CENPF: variants seen among roughly 807,000 people sequenced by gnomAD.
CENPF encodes the protein centromere protein F, also known as AH antigen.
CENPF carries 214 observed loss-of-function variants against 307.3 expected under a neutral mutation model. That is an observed-to-expected ratio of 0.70 (90% CI 0.62 to 0.78). The LOEUF (loss-of-function observed/expected upper bound fraction) is 0.78, where lower values mean the gene tolerates loss of function less well. Ranked by LOEUF, CENPF falls within the 30% of genes least tolerant of loss-of-function variation. The probability of loss-of-function intolerance (pLI) is 0.00; values close to 1 mark genes in which losing one functional copy is unlikely to be tolerated. For missense variants in CENPF, 3,401 were observed against 3,483.9 expected, an observed-to-expected ratio of 0.98 and a Z score of 0.60; for synonymous variants, 1,259 against 1,270.6, an observed-to-expected ratio of 0.99 and a Z score of 0.19.
At chr1:214,660,221 A>G (rs1031741135) in intron 19 of CENPF, among the ~76,000 whole-genome samples, 5 of 152,204 alleles carry the variant, frequency 3.3e-5, no homozygotes, top group African/African-American at 9.6e-5. Context: ...TGTTCATCAT[A>G]TACATTATAT....
At chr1:214,635,304 G>C (rs1190854325) in intron 10 of CENPF, among the ~76,000 whole-genome samples, 1 of 152,222 alleles carries the variant, frequency 6.6e-6, no homozygotes, top group Non-Finnish European at 1.5e-5. Context: ...ATGCCACACA[G>C]TAGCTGAAAT....
intron 10 of CENPF, among the ~76,000 whole-genome samples, chr1:214,635,458 T>C (rs1657932860): frequency 6.6e-6 from 1 of 152,224 alleles, no homozygotes; most frequent in African/African-American, 2.4e-5. Flanking sequence ...GTACCCAATT[T>C]TGCAAATCAT....
At chr1:214,658,336 T>C (rs2923166) in intron 18 of CENPF, among the ~76,000 whole-genome samples, 80,232 of 151,964 alleles carry the variant, frequency 0.53, 21,850 homozygotes, top group East Asian at 0.88. Flanking sequence ...AGAGACAACG[T>C]GAGTGAGTGT....
chr1:214,650,336 G>A (rs1658428260), intron 14 of CENPF, among the ~76,000 whole-genome samples: 1 of 151,028 alleles, frequency 6.6e-6, no homozygotes, highest in Non-Finnish European at 1.5e-5. Context: ...ACAAAGATTG[G>A]AGGGGTAGGA....
chr1:214,619,319 G>A (rs1657444041), intron 5 of CENPF, 99 bp downstream of exon 5: 2 of 632,562 alleles, frequency 3.2e-6, no homozygotes, highest in Admixed American at 3.4e-5. Context: ...ACATAGAGCT[G>A]GCCTTTTTGT....
At chr1:214,604,385 T>A (rs1385708940) in intron 1 of CENPF, among the ~76,000 whole-genome samples, 1 of 152,216 alleles carries the variant, frequency 6.6e-6, no homozygotes, top group Non-Finnish European at 1.5e-5. Context: ...AGTAAACTTC[T>A]GGGTTTATTT....
chr1:214,641,028 A>G lies in CENPF; in HGVS notation c.2690A>G (p.Asn897Ser), dbSNP rs969962598. ...KLQEDTSAHQ[N>S]VVAETLSALE... ...CAGGAAGACACTTCTGCTCACCAGA[A>G]TGTTGTTGCTGAAACCTTAAGTGCC... The change falls in exon 12 of 20, where the codon AAT (asparagine) becomes AGT (serine). Residue 897 changes from asparagine to serine, a missense_variant. Asn to Ser is a conservative substitution (Grantham distance 46, BLOSUM62 1). Coordinates refer to ENST00000366955, the MANE Select transcript of CENPF (RefSeq NM_016343.4). The G allele has an allele frequency of 6.4e-7, 1 of 1,567,700 alleles. No individual in the cohort carries two copies. Among genetic ancestry groups the G allele is most frequent in the Non-Finnish European group, 8.6e-7 (1 of 1,164,790 alleles).
rs772543101 is a variant in CENPF at position 214,645,578 on chromosome 1, A to G, written c.6008A>G (p.Gln2003Arg). The change falls in exon 13 of 20, where the codon CAG becomes CGG. Residue 2003 changes from glutamine to arginine, a missense_variant. Gln to Arg is a conservative substitution (Grantham distance 43). Coordinates refer to ENST00000366955, the MANE Select transcript of CENPF (RefSeq NM_016343.4). ...SHQSECLHCI[Q>R]VAEAEVKEKT... ...CAAAGTGAGTGTCTCCATTGCATTCAGGTGGCAGAGGCAGAGGTGAAGGAA... is the reference window on the plus strand; with the variant it reads ...CAAAGTGAGTGTCTCCATTGCATTCGGGTGGCAGAGGCAGAGGTGAAGGAA... 4 of 1,614,148 alleles carry G rather than the reference A, an allele frequency of 2.5e-6. No individual in the cohort carries two copies. The Admixed American group carries it at 6.7e-5, about 27-fold the overall frequency.
chr1:214,620,980 T>C, intron 6 of CENPF, 34 bp downstream of exon 6: 1 of 1,553,338 alleles, frequency 6.4e-7, no homozygotes, highest in South Asian at 1.2e-5. Context: ...TAAATTCACT[T>C]TGCTTGAGGT....
rs572514222 is a variant in CENPF at position 214,650,127 on chromosome 1, C to A, written c.7983+1300C>A. On this transcript the variant is annotated intron_variant, in intron 14 of 19. Coordinates refer to ENST00000366955, the MANE Select transcript of CENPF (RefSeq NM_016343.4). ...AACAACCTAATTTAGATAGGGTGGT[C>A]AGCAGATTTAGATAGGGTGGTCAGC... Among the ~76,000 whole-genome samples, 9 of 152,182 alleles carry A rather than the reference C, an allele frequency of 5.9e-5. 1 individual carries two copies. The Middle Eastern group carries it at 0.01, about 173-fold the overall frequency.
chr1:214,633,849 A>G (rs1293195543), intron 10 of CENPF, among the ~76,000 whole-genome samples: 1 of 152,208 alleles, frequency 6.6e-6, no homozygotes, highest in Non-Finnish European at 1.5e-5. Flanking sequence ...GGACCAACCA[A>G]CAGATGCTTC....
At chr1:214,637,162 C>A (rs1277480234) in intron 10 of CENPF, among the ~76,000 whole-genome samples, 1 of 152,208 alleles carries the variant, frequency 6.6e-6, no homozygotes, top group Admixed American at 6.5e-5. Context: ...AGAATTAATT[C>A]TTCCTCTGTG....
intron 7 of CENPF, among the ~76,000 whole-genome samples, chr1:214,627,746 T>C: frequency 6.6e-6 from 1 of 152,208 alleles, no homozygotes; most frequent in East Asian, 1.9e-4. Context: ...TAGAAATCCA[T>C]TTAACTGAAA....
intron 1 of CENPF, chr1:214,608,664 G>C: frequency 6.2e-7 from 1 of 1,600,570 alleles, no homozygotes; most frequent in Non-Finnish European, 8.5e-7. Context: ...GTGCGCCCGA[G>C]GAGGCCCGCA....
chr1:214,614,772 A>G, intron 2 of CENPF, 60 bp from the exon 3 acceptor site: 4 of 1,214,390 alleles, frequency 3.3e-6, no homozygotes, highest in Non-Finnish European at 4.6e-6. Context: ...AGGTTTACCA[A>G]TAATACTTGG....
At chr1:214,607,003 C>G (rs895882615) in intron 1 of CENPF, among the ~76,000 whole-genome samples, 1 of 152,232 alleles carries the variant, frequency 6.6e-6, no homozygotes, top group African/African-American at 2.4e-5. Context: ...AGGGCTGTCC[C>G]CCTCCCTGGC....
At chr1:214,658,162 A>G (rs1341195595) in intron 18 of CENPF, among the ~76,000 whole-genome samples, 1 of 146,222 alleles carries the variant, frequency 6.8e-6, no homozygotes, top group African/African-American at 2.5e-5. Flanking sequence ...TCTCACTGGT[A>G]ATTTTTATAT....
At chr1:214,655,754 C>G (rs1658614886) in intron 17 of CENPF, among the ~76,000 whole-genome samples, 1 of 152,108 alleles carries the variant, frequency 6.6e-6, no homozygotes, top group African/African-American at 2.4e-5. Flanking sequence ...CCACACCCGA[C>G]TAATTTTTGT....
intron 18 of CENPF, among the ~76,000 whole-genome samples, 200 bp downstream of exon 18, chr1:214,657,609 A>C: frequency 6.6e-6 from 1 of 152,230 alleles, no homozygotes. Flanking sequence ...ACATTAACAA[A>C]AGAGCTGGTA....
Sources: allele counts gnomAD v4.1 joint callset (sites outside exome capture counted in the v4.1 genomes callset), GRCh38; gene constraint gnomAD v4.1.1; transcripts MANE v1.5; gene names NCBI Gene and HGNC (gene_info 2026-07-23, HGNC 2026-07-21).